The following HS6ST2 variants were observed in gnomAD, a reference collection of about 807,000 sequenced individuals.
HS6ST2 encodes the protein heparan sulfate 6-O-sulfotransferase 2.
Under a neutral mutation model 33.0 loss-of-function variants are expected in HS6ST2, and 17 were observed. The ratio of observed to expected loss-of-function variants is 0.52; its 90% confidence interval spans 0.35 to 0.77. The LOEUF (loss-of-function observed/expected upper bound fraction) is 0.77, where lower values mean the gene tolerates loss of function less well. Ranked by LOEUF, HS6ST2 falls within the 30% of genes least tolerant of loss-of-function variation. The pLI is 0.01. For missense variants in HS6ST2, 519 were observed against 551.7 expected, an observed-to-expected ratio of 0.94 and a Z score of 0.59; for synonymous variants, 248 against 237.1, an observed-to-expected ratio of 1.05 and a Z score of -0.42.
chrX:132,700,817 CCT>C (rs1219443117), intron 3 of HS6ST2, among the ~76,000 whole-genome samples: 1 of 110,597 alleles, frequency 9.0e-6, no homozygotes, highest in Non-Finnish European at 1.9e-5. Context: ...TAGCCGCAAT[CCT>C]CTCTTTCTTC....
intron 2 of HS6ST2, among the ~76,000 whole-genome samples, chrX:132,803,277 C>T (rs758271236): frequency 1.8e-5 from 2 of 111,756 alleles, no homozygotes; most frequent in African/African-American, 6.5e-5. Context: ...TAGTATCTTG[C>T]TTTACCTCTA....
At chrX:132,916,361 AT>A (rs1440997606) in intron 2 of HS6ST2, among the ~76,000 whole-genome samples, 10 of 112,459 alleles carry the variant, frequency 8.9e-5, no homozygotes, top group Non-Finnish European at 1.7e-4. Context: ...TGCTTACCCA[AT>A]TGTGTAAAAT....
intron 2 of HS6ST2, among the ~76,000 whole-genome samples, chrX:132,722,318 T>C (rs1247112433): frequency 9.2e-6 from 1 of 108,489 alleles, no homozygotes; most frequent in African/African-American, 3.4e-5. Flanking sequence ...ATACAAAAGA[T>C]CAGTGAAACA....
At chrX:132,904,807 T>C (rs971460025) in intron 2 of HS6ST2, among the ~76,000 whole-genome samples, 2 of 108,310 alleles carry the variant, frequency 1.8e-5, no homozygotes, top group Admixed American at 2.0e-4. Flanking sequence ...AGATTACAGG[T>C]GTGAGCAACC....
intron 2 of HS6ST2, among the ~76,000 whole-genome samples, chrX:132,910,969 G>A (rs986946889): frequency 9.0e-6 from 1 of 110,636 alleles, no homozygotes; most frequent in Admixed American, 9.6e-5. Context: ...GGCCAACATG[G>A]TGAAACCCCG....
At chrX:132,789,010 G>A (rs940170598) in intron 2 of HS6ST2, among the ~76,000 whole-genome samples, 5 of 112,760 alleles carry the variant, frequency 4.4e-5, no homozygotes, top group African/African-American at 1.6e-4. Context: ...CAAGTACTGA[G>A]TTAAAAGCTA....
intron 2 of HS6ST2, among the ~76,000 whole-genome samples, chrX:132,788,690 G>C (rs182385688): frequency 2.6e-3 from 293 of 112,945 alleles, no homozygotes; most frequent in Middle Eastern, 4.6e-3. Flanking sequence ...TTGTCAAGTT[G>C]TGATTGATCA....
Position 132,628,920 on chromosome X carries a change from G to T in HS6ST2, c.1241C>A (p.Pro414His), listed in dbSNP as rs748100852. ...CYTGDDWSGC[P>H]LKEFMDCPYN... ...GGGACAGTCCATAAACTCTTTGAGGGGGCAGCCAGACCAGTCATCGCCAGT... is the reference window on the plus strand; with the variant it reads ...GGGACAGTCCATAAACTCTTTGAGGTGGCAGCCAGACCAGTCATCGCCAGT... Residue 414 changes from proline to histidine, a missense_variant, in exon 5 of 5, where the codon CCC (proline) becomes CAC (histidine). Physicochemically the swap from Pro to His is moderately conservative, Grantham distance 77. Transcript: ENST00000370833. The T allele has an allele frequency of 4.0e-5, 48 of 1,209,599 alleles. No individual in the cohort carries two copies. In the Middle Eastern group the frequency reaches 6.9e-4, roughly 17 times the overall value.
At chrX:132,772,926 C>T (rs2064920819) in intron 2 of HS6ST2, among the ~76,000 whole-genome samples, 1 of 77,680 alleles carries the variant, frequency 1.3e-5, no homozygotes, top group Non-Finnish European at 2.3e-5. Flanking sequence ...TTTATATAAT[C>T]CAATTATATT....
intron 3 of HS6ST2, among the ~76,000 whole-genome samples, chrX:132,705,190 T>C (rs944532254): frequency 2.2e-4 from 10 of 44,837 alleles, no homozygotes; most frequent in Admixed American, 4.2e-4. Flanking sequence ...TGGGCACGCG[T>C]GTGTGTGTGT....
chrX:132,778,679 C>T (rs1412712789), intron 2 of HS6ST2, among the ~76,000 whole-genome samples: 2 of 111,009 alleles, frequency 1.8e-5, no homozygotes, highest in African/African-American at 6.6e-5. Flanking sequence ...GCTAGGATTA[C>T]AGGCCCGGCC....
intron 2 of HS6ST2, among the ~76,000 whole-genome samples, chrX:132,773,575 A>G (rs1175658156): frequency 8.9e-6 from 1 of 111,761 alleles, no homozygotes; most frequent in Non-Finnish European, 1.9e-5. Context: ...GAAATAACCC[A>G]AATGTCCATC....
intron 2 of HS6ST2, among the ~76,000 whole-genome samples, chrX:132,843,595 T>C (rs113350037): frequency 0.027 from 2,966 of 111,564 alleles, 36 homozygotes; most frequent in Non-Finnish European, 0.041. Context: ...CAGTTCATTA[T>C]GAGTCAGCAG....
chrX:132,768,430 A>C (rs963944218), intron 2 of HS6ST2, among the ~76,000 whole-genome samples: 3 of 110,717 alleles, frequency 2.7e-5, no homozygotes, highest in African/African-American at 9.9e-5. Context: ...CATGGAACTT[A>C]AGATTCTAGT....
intron 2 of HS6ST2, among the ~76,000 whole-genome samples, chrX:132,888,338 G>T (rs963524437): frequency 1.8e-5 from 2 of 111,416 alleles, no homozygotes; most frequent in Non-Finnish European, 3.8e-5. Context: ...TAAAGAGCTT[G>T]TGCAGGGGAA....
chrX:132,830,703 C>T (rs2148387952), intron 2 of HS6ST2, among the ~76,000 whole-genome samples: 1 of 111,646 alleles, frequency 9.0e-6, no homozygotes, highest in South Asian at 3.7e-4. Flanking sequence ...TAGCCAAAAC[C>T]GTTAGAAAGA....
intron 2 of HS6ST2, among the ~76,000 whole-genome samples, chrX:132,872,348 C>G (rs1417629131): frequency 8.9e-6 from 1 of 111,946 alleles, no homozygotes; most frequent in Non-Finnish European, 1.9e-5. Flanking sequence ...CAAAGAACAG[C>G]CTGTCTCCTA....
At chrX:132,933,159 C>G (rs2066792402) in intron 2 of HS6ST2, among the ~76,000 whole-genome samples, 1 of 108,919 alleles carries the variant, frequency 9.2e-6, no homozygotes, top group Non-Finnish European at 1.9e-5. Flanking sequence ...GAAACCCCCT[C>G]TCTACTAAAA....
chrX:132,756,693 G>GTCA (rs1477389468), intron 2 of HS6ST2, among the ~76,000 whole-genome samples: 1 of 110,523 alleles, frequency 9.0e-6, no homozygotes, highest in Non-Finnish European at 1.9e-5. Context: ...CTGGCTTGCT[G>GTCA]TCACCTTCTC....
Sources: allele counts gnomAD v4.1 joint callset (sites outside exome capture counted in the v4.1 genomes callset), GRCh38; gene constraint gnomAD v4.1.1; transcripts MANE v1.5; gene names NCBI Gene and HGNC (gene_info 2026-07-23, HGNC 2026-07-21).